The following DDX20 variants were observed in gnomAD, a reference collection of about 807,000 sequenced individuals.
DDX20 encodes DEAD-box helicase 20.
A neutral mutation model predicts 76.4 loss-of-function variants in DDX20; 61 were observed. That is an observed-to-expected ratio of 0.80 (90% CI 0.65 to 0.99). The LOEUF (loss-of-function observed/expected upper bound fraction) is 0.99, where lower values mean the gene tolerates loss of function less well. DDX20 is among the 50% of genes least tolerant of loss of function. The probability of loss-of-function intolerance (pLI) is 0.00; values close to 1 mark genes in which losing one functional copy is unlikely to be tolerated. For missense variants in DDX20, 976 were observed against 996.8 expected (o/e 0.98, Z 0.28); for synonymous variants, 357 against 357.4 (o/e 1.00, Z 0.01).
At position 111,767,489 on chromosome 1, in the gene DDX20, A is replaced by G. The variant is rs1346323737; in HGVS notation, c.*590A>G. Reference sequence around the variant, plus strand: ...AGTAAAAACAAATTTAAATATATTTACATGTTTGTTGTTTATCTTTTGAAT... The same window carrying G: ...AGTAAAAACAAATTTAAATATATTTGCATGTTTGTTGTTTATCTTTTGAAT... On this transcript the variant is annotated 3_prime_UTR_variant, in exon 11 of 11. Coordinates refer to ENST00000369702, the MANE Select transcript of DDX20 (RefSeq NM_007204.5). 6.6e-6 allele frequency: 1 copy of G among 152,260 alleles called. No individual in the cohort carries two copies. Among genetic ancestry groups the G allele is most frequent in the Non-Finnish European group, 1.5e-5 (1 of 68,052 alleles). 9.4% of individuals were successfully genotyped at this position (152,260 alleles called of 1,614,324 possible).
At position 111,765,923 on chromosome 1, in the gene DDX20, C is replaced by A; in HGVS notation, c.1499C>A (p.Ser500Tyr). The change falls in exon 11 of 11, where the codon TCT becomes TAT. Residue 500 changes from serine to tyrosine, a missense_variant. This residue lies in a region of DDX20 where 630 missense variants were observed against 693.7 expected (regional missense o/e 0.91). Transcript: ENST00000369702. ...CACATGGCTTCCTCTAGAAATAATT[C>A]TGTATCTGGACTATCAGTCAAATCA... ...GDHMASSRNN[S>Y]VSGLSVKSKN... 1 of 1,613,812 alleles carries A rather than the reference C, an allele frequency of 6.2e-7. No homozygotes were observed. The highest frequency in any genetic ancestry group is 1.1e-5 in the South Asian group (1 of 91,006).
chr1:111,762,625 C>A, intron 8 of DDX20, 52 bp from the exon 9 acceptor site: 2 of 1,401,804 alleles, frequency 1.4e-6, no homozygotes, highest in Non-Finnish European at 2.0e-6. Flanking sequence ...GCATTGGTAT[C>A]CATGCTGTAT....
Position 111,756,154 on chromosome 1 carries a change from T to A in DDX20, c.230T>A (p.Leu77Gln). 1 of 1,560,072 alleles carries A rather than the reference T, an allele frequency of 6.4e-7. No individual in the cohort carries two copies. The highest frequency in any genetic ancestry group is 8.6e-7 in the Non-Finnish European group (1 of 1,161,110). The change falls in exon 1 of 11, where the codon CTG becomes CAG. Residue 77 changes from leucine (L) to glutamine (Q), a missense_variant. Physicochemically the swap from Leu to Gln is moderately radical, Grantham distance 113 (BLOSUM62 -2). Around this residue, in one of 3 missense-constraint regions of DDX20, gnomAD observed 343 missense variants for 286.4 expected, o/e 1.20. Transcript: ENST00000369702. ...CTTTCGCGGCCGGTGCTGGAGGGGC[T>A]GCGGGCGGCCGGCTTCGAGAGGCCC... ...LLLSRPVLEG[L>Q]RAAGFERPSP... is the part of the protein sequence containing the mutation.
At position 111,762,398 on chromosome 1, in the gene DDX20, G is replaced by A. The variant is rs541352978; in HGVS notation, c.1104+61G>A. 47 of 1,320,792 alleles carry A rather than the reference G, an allele frequency of 3.6e-5. No homozygotes were observed. The South Asian group carries it at 4.0e-4, about 11-fold the overall frequency. 81.8% of individuals were successfully genotyped at this position (1,320,792 alleles called of 1,614,324 possible). On this transcript the variant is annotated intron_variant, in intron 8 of 10. Transcript: ENST00000369702. ...CTTGACATATGTTCTATTATCAGAT[G>A]TACAGATTTCATATATTATTTTATG...
Position 111,756,039 on chromosome 1 carries a change from AT to A in DDX20, c.116del (p.Ile39ThrfsTer64). ...APEPTPGPVRILRTAQDLSSP... is the reference protein window; with the variant it reads ...APEPTPGPVRXLRTAQDLSSP... ...AGAGCCAACACCCGGGCCTGTGAGG[AT>A]CCTGCGGACCGCTCAGGATCTCAGC... On this transcript the variant is annotated frameshift_variant, in exon 1 of 11. Coordinates refer to ENST00000369702, the MANE Select transcript of DDX20 (RefSeq NM_007204.5). LOFTEE classifies it high-confidence loss of function. 1 of 1,610,046 alleles carries A rather than the reference AT, an allele frequency of 6.2e-7. No homozygotes were observed. Among genetic ancestry groups the A allele is most frequent in the Non-Finnish European group, 8.5e-7 (1 of 1,179,016 alleles).
chr1:111,755,911 A>G lies in DDX20; in HGVS notation c.-14A>G, dbSNP rs1185673375. 1 of 1,565,638 alleles carries G rather than the reference A, an allele frequency of 6.4e-7. No individual in the cohort carries two copies. The highest frequency in any genetic ancestry group is 1.2e-5 in the South Asian group (1 of 85,190). ...CTCCCCTTAAGCACCGCGAGATCTG[A>G]CGGCGCGGCTACCATGGCGGCGGCA... is the stretch of plus-strand genomic sequence containing the variant. On this transcript the variant is annotated 5_prime_UTR_variant, in exon 1 of 11. Transcript: ENST00000369702.
At chr1:111,757,645 A>T (rs368534631) in intron 2 of DDX20, among the ~76,000 whole-genome samples, 1 of 152,166 alleles carries the variant, frequency 6.6e-6, no homozygotes, top group Admixed American at 6.5e-5. Flanking sequence ...AATCTTCAAC[A>T]GTGGTTTTTA....
In DDX20 at chr1:111,765,982, A is replaced by C; in HGVS notation, c.1558A>C (p.Ser520Arg). 1 of 1,613,946 alleles carries C rather than the reference A, an allele frequency of 6.2e-7. No homozygotes were observed. Reference sequence around the variant, plus strand: ...TACCAAACAAAAGCTTCCTGTGAAAAGCCACTCAGAATGTGGAATCATAGA... The same window carrying C: ...TACCAAACAAAAGCTTCCTGTGAAACGCCACTCAGAATGTGGAATCATAGA... The part of the protein sequence containing the change: ...NNTKQKLPVK[S>R]HSECGIIEKA... Residue 520 changes from serine (S) to arginine (R), a missense_variant, in exon 11 of 11, where the codon AGC becomes CGC. Coordinates refer to ENST00000369702, the MANE Select transcript of DDX20 (RefSeq NM_007204.5).
chr1:111,759,802 G>A (rs887225518), intron 3 of DDX20, among the ~76,000 whole-genome samples: 6 of 150,990 alleles, frequency 4.0e-5, no homozygotes, highest in African/African-American at 9.8e-5. Flanking sequence ...GTGAAACCCC[G>A]TCTCTACTAA....
Position 111,766,268 on chromosome 1 carries a change from A to G in DDX20, c.1844A>G (p.His615Arg). The stretch of plus-strand genomic sequence containing the variant: ...GAGAAACCTGTGGAAATCATCAGGC[A>G]CTACACAGGCCCTGGGGATCAGACT... ...GLEKPVEIIR[H>R]YTGPGDQTVN... Residue 615 changes from histidine (H) to arginine (R), a missense_variant, in exon 11 of 11, where the codon CAC becomes CGC. His to Arg is a conservative substitution (Grantham distance 29, BLOSUM62 0). Transcript: ENST00000369702. The G allele has an allele frequency of 2.5e-6, 4 of 1,614,176 alleles. No homozygotes were observed. Among genetic ancestry groups the G allele is most frequent in the Non-Finnish European group, 3.4e-6 (4 of 1,180,038 alleles).
At chr1:111,756,866 T>TGGC (rs930987878) in intron 2 of DDX20, 126 bp downstream of exon 2, 2 of 744,556 alleles carry the variant, frequency 2.7e-6, no homozygotes, top group Non-Finnish European at 4.5e-6. Context: ...GTGGTGGTGG[T>TGGC]GGCGAAATTT....
Position 111,755,965 on chromosome 1 carries a change from T to C in DDX20, c.41T>C (p.Val14Ala), listed in dbSNP as rs938621091. 2 of 1,595,198 alleles carry C rather than the reference T, an allele frequency of 1.3e-6. No individual in the cohort carries two copies. The highest frequency in any genetic ancestry group is 1.7e-6 in the Non-Finnish European group (2 of 1,167,050). Residue 14 changes from valine to alanine, a missense_variant, in exon 1 of 11, where the codon GTG becomes GCG. Physicochemically the swap from Val to Ala is moderately conservative, Grantham distance 64. Around this residue, in one of 3 missense-constraint regions of DDX20, gnomAD observed 343 missense variants for 286.4 expected, o/e 1.20. Coordinates refer to ENST00000369702, the MANE Select transcript of DDX20 (RefSeq NM_007204.5). ...AFEASGALAA[V>A]ATAMPAEHVA... ...GAAGCCTCGGGAGCCTTAGCAGCAG[T>C]GGCGACTGCTATGCCGGCTGAGCAT...
At position 111,761,293 on chromosome 1, in the gene DDX20, A is replaced by G. The variant is rs1663670079; in HGVS notation, c.1021+9A>G. The G allele has an allele frequency of 6.2e-7, 1 of 1,608,746 alleles. No individual in the cohort carries two copies. The highest frequency in any genetic ancestry group is 8.5e-7 in the Non-Finnish European group (1 of 1,177,254). ...TGCTGAGTGCATTTCAGGTAAGTTC[A>G]TCTCTTACTTTAATCTTTATTTAGT... On this transcript the variant is annotated intron_variant, in intron 7 of 10. Coordinates refer to ENST00000369702, the MANE Select transcript of DDX20 (RefSeq NM_007204.5).
At position 111,766,777 on chromosome 1, in the gene DDX20, C is replaced by T; in HGVS notation, c.2353C>T (p.Gln785Ter). ...EYWRAYYRAW[Q>*]EYYAAASHSY... ...CTGGAGAGCTTACTACAGGGCATGG[C>T]AAGAATATTATGCTGCCGCTTCTCA... Residue 785 changes from glutamine to a stop codon, truncating the protein, a stop_gained, in exon 11 of 11, where the codon CAA (glutamine) becomes TAA (stop). Coordinates refer to ENST00000369702, the MANE Select transcript of DDX20 (RefSeq NM_007204.5). LOFTEE classifies it high-confidence loss of function. 3.7e-6 allele frequency: 6 copies of T among 1,614,116 alleles called. No individual in the cohort carries two copies. Among genetic ancestry groups the T allele is most frequent in the Non-Finnish European group, 5.1e-6 (6 of 1,179,970 alleles).
Position 111,766,666 on chromosome 1 carries a change from A to G in DDX20, c.2242A>G (p.Thr748Ala). The change falls in exon 11 of 11, where the codon ACT becomes GCT. Residue 748 changes from threonine to alanine, a missense_variant. Physicochemically the swap from Thr to Ala is moderately conservative, Grantham distance 58. Coordinates refer to ENST00000369702, the MANE Select transcript of DDX20 (RefSeq NM_007204.5). ...CAGGCGGTCTTCCTTCAGATTGCAG[A>G]CTGAAGCCCAGGAAGATGATTGGTA... is the stretch of plus-strand genomic sequence containing the variant. ...LPRRSSFRLQ[T>A]EAQEDDWYDC... 1 of 1,614,194 alleles carries G rather than the reference A, an allele frequency of 6.2e-7. No homozygotes were observed. The highest frequency in any genetic ancestry group is 8.5e-7 in the Non-Finnish European group (1 of 1,180,012).
intron 9 of DDX20, 30 bp from the exon 10 acceptor site, chr1:111,762,876 T>G: frequency 1.9e-6 from 3 of 1,599,122 alleles, no homozygotes; most frequent in Non-Finnish European, 2.6e-6. Context: ...GTGAAAATGA[T>G]TTACTACCTA....
At position 111,763,020 on chromosome 1, in the gene DDX20, T is replaced by C; in HGVS notation, c.1312+13T>C. ...CTCCCTTTACCAGGTACATTTCATCTGTTTCATTATTTCAAAATAATTATA... is the reference window on the plus strand; with the variant it reads ...CTCCCTTTACCAGGTACATTTCATCCGTTTCATTATTTCAAAATAATTATA... On this transcript the variant is annotated intron_variant, in intron 10 of 10. Coordinates refer to ENST00000369702, the MANE Select transcript of DDX20 (RefSeq NM_007204.5). The C allele has an allele frequency of 6.4e-7, 1 of 1,572,314 alleles. No individual in the cohort carries two copies. Among genetic ancestry groups the C allele is most frequent in the African/African-American group, 1.3e-5 (1 of 74,104 alleles).
chr1:111,756,354 G>C (rs1241009868), intron 1 of DDX20, 129 bp downstream of exon 1: 1 of 963,228 alleles, frequency 1.0e-6, no homozygotes, highest in Non-Finnish European at 1.4e-6. Context: ...GGGCCCTGCC[G>C]GGGGCTAGGC....
intron 2 of DDX20, 127 bp from the exon 3 acceptor site, chr1:111,759,273 C>A (rs1663622475): frequency 2.5e-6 from 2 of 806,622 alleles, no homozygotes; most frequent in Non-Finnish European, 3.7e-6. Flanking sequence ...CTGTACCTTA[C>A]CTTATCAATA....
Sources: allele counts gnomAD v4.1 joint callset (sites outside exome capture counted in the v4.1 genomes callset), GRCh38; gene constraint gnomAD v4.1.1; regional missense constraint gnomAD v4.1.1; transcripts MANE v1.5; gene names NCBI Gene and HGNC (gene_info 2026-07-23, HGNC 2026-07-21).